MAP7D2: variants seen among roughly 807,000 people sequenced by gnomAD.
The protein encoded by MAP7D2 is MAP7 domain-containing protein 2.
In MAP7D2, 33 loss-of-function variants were observed where a neutral mutation model predicts 63.5. The ratio of observed to expected loss-of-function variants is 0.52; its 90% CI spans 0.39 to 0.70. The LOEUF (loss-of-function observed/expected upper bound fraction) is 0.70, where lower values mean the gene tolerates loss of function less well. MAP7D2 is among the 30% of genes least tolerant of loss of function. The probability of loss-of-function intolerance (pLI) is 0.00; values close to 1 mark genes in which losing one functional copy is unlikely to be tolerated. For missense variants in MAP7D2, 626 were observed against 604.0 expected, an observed-to-expected ratio of 1.04 and a Z score of -0.38; for synonymous variants, 224 against 223.7, an observed-to-expected ratio of 1.00 and a Z score of -0.01.
At chrX:20,072,944 T>C (rs945801942) in intron 1 of MAP7D2, among the ~76,000 whole-genome samples, 1 of 112,016 alleles carries the variant, frequency 8.9e-6, no homozygotes, top group African/African-American at 3.2e-5. Context: ...GGTGACAGTT[T>C]CACAACATTG....
chrX:20,039,989 C>T (rs1325415374), intron 8 of MAP7D2, among the ~76,000 whole-genome samples: 1 of 87,309 alleles, frequency 1.1e-5, no homozygotes, highest in Non-Finnish European at 2.2e-5. Flanking sequence ...CAGAGCAAGA[C>T]TCCATCTCAA....
At chrX:20,009,663 C>CAAA (rs35018861) in intron 16 of MAP7D2, among the ~76,000 whole-genome samples, 20 of 17,712 alleles carry the variant, frequency 1.1e-3, no homozygotes, top group East Asian at 2.5e-3. Flanking sequence ...GATTCCATCT[C>CAAA]AAAAAAAAAA....
chrX:20,046,812 G>A (rs1027108056), intron 6 of MAP7D2, among the ~76,000 whole-genome samples: 6 of 112,870 alleles, frequency 5.3e-5, no homozygotes, highest in Non-Finnish European at 7.5e-5. Context: ...GGTGAGAGTA[G>A]GGGATGATTA....
chrX:20,088,004 C>T (rs1337051413), intron 1 of MAP7D2, among the ~76,000 whole-genome samples: 2 of 106,052 alleles, frequency 1.9e-5, no homozygotes, highest in African/African-American at 6.9e-5. Context: ...ATTCTCCTGC[C>T]TCAGCCTCCT....
intron 4 of MAP7D2, among the ~76,000 whole-genome samples, chrX:20,056,424 C>T (rs2065070245): frequency 8.9e-6 from 1 of 111,877 alleles, no homozygotes; most frequent in Non-Finnish European, 1.9e-5. Flanking sequence ...AAAGTCTTCT[C>T]TTTTGCTCTC....
At chrX:20,063,388 T>A (rs2065270013) in intron 3 of MAP7D2, 26 bp downstream of exon 3, 1 of 1,201,219 alleles carries the variant, frequency 8.3e-7, no homozygotes, top group South Asian at 1.8e-5. Flanking sequence ...GGCTGGAAGG[T>A]GGCGGAGGGT....
At chrX:20,107,392 G>A (rs1053645314) in intron 1 of MAP7D2, among the ~76,000 whole-genome samples, 1 of 110,854 alleles carries the variant, frequency 9.0e-6, no homozygotes, top group African/African-American at 3.3e-5. Flanking sequence ...ACAACATGGT[G>A]AAACCCTGTC....
chrX:20,033,789 G>C (rs2074121738), intron 8 of MAP7D2, among the ~76,000 whole-genome samples: 1 of 112,293 alleles, frequency 8.9e-6, no homozygotes, highest in South Asian at 3.7e-4. Context: ...GGTCTGCACA[G>C]AAGGAATGTC....
chrX:20,105,900 A>G (rs950338842), intron 1 of MAP7D2, among the ~76,000 whole-genome samples: 1 of 112,218 alleles, frequency 8.9e-6, no homozygotes, highest in Non-Finnish European at 1.9e-5. Flanking sequence ...TGGGTAACTT[A>G]TAACAAACAA....
Position 20,089,755 on chromosome X carries a change from T to A in MAP7D2, c.131-24950A>T, listed in dbSNP as rs139925551. 7.9e-3 allele frequency among the ~76,000 whole-genome samples: 894 copies of A among 112,717 alleles called. 10 individuals carry two copies. Among genetic ancestry groups the A allele is most frequent in the African/African-American group, 0.027 (853 of 31,051 alleles). On this transcript the variant is annotated intron_variant, in intron 1 of 16. Transcript: ENST00000379643. The stretch of plus-strand genomic sequence containing the variant: ...TAGAAATACATATTTACAATGTACA[T>A]ATTTCTGTAGCTGAAATGGGTTTTT...
At chrX:20,087,159 A>C (rs921366687) in intron 1 of MAP7D2, among the ~76,000 whole-genome samples, 3 of 112,122 alleles carry the variant, frequency 2.7e-5, no homozygotes, top group Non-Finnish European at 5.6e-5. Flanking sequence ...TTTACAAAGG[A>C]AAATATATTT....
At chrX:20,029,864 G>T (rs2073994708) in intron 8 of MAP7D2, among the ~76,000 whole-genome samples, 1 of 109,647 alleles carries the variant, frequency 9.1e-6, no homozygotes, top group Non-Finnish European at 1.9e-5. Context: ...TCTACAATCT[G>T]TCAAGTTTCC....
At position 20,025,914 on chromosome X, in the gene MAP7D2, G is replaced by A. The variant is rs754095057; in HGVS notation, c.1046C>T (p.Thr349Met). ...TKAYPQSPKT[T>M]KPPYPGSPVK... ...AGGAGACCCTGGGTAGGGAGGTTTC[G>A]TTGTCTTTGGAGACTGTGGATAAGC... Residue 349 changes from threonine (T) to methionine (M), a missense_variant, in exon 9 of 17, where the codon ACG (threonine) becomes ATG (methionine). Coordinates refer to ENST00000379643, the MANE Select transcript of MAP7D2 (RefSeq NM_001168465.2). 21 of 1,209,612 alleles carry A rather than the reference G, an allele frequency of 1.7e-5. 1 individual carries two copies. In the Admixed American group the frequency reaches 2.0e-4, roughly 11 times the overall value.
chrX:20,039,753 C>A (rs1409384197), intron 8 of MAP7D2, among the ~76,000 whole-genome samples: 1 of 111,089 alleles, frequency 9.0e-6, no homozygotes, highest in Non-Finnish European at 1.9e-5. Context: ...GTAATCCCAG[C>A]ACTTTGGGAG....
At chrX:20,085,758 A>C (rs1164316004) in intron 1 of MAP7D2, among the ~76,000 whole-genome samples, 3 of 112,065 alleles carry the variant, frequency 2.7e-5, no homozygotes, top group Non-Finnish European at 3.8e-5. Flanking sequence ...GCTGCCCAGG[A>C]TGGAGTGCAG....
At chrX:20,108,727 A>T (rs1569156826) in intron 1 of MAP7D2, among the ~76,000 whole-genome samples, 1 of 110,235 alleles carries the variant, frequency 9.1e-6, no homozygotes, top group Non-Finnish European at 1.9e-5. Context: ...TTACAAAAAA[A>T]AAAAAACAAA....
rs1183318424 is a variant in MAP7D2, at chrX:20,010,789, G to T, written c.*14C>A. 8.3e-7 allele frequency: 1 copy of T among 1,198,375 alleles called. No homozygotes were observed. The highest frequency in any genetic ancestry group is 1.1e-6 in the Non-Finnish European group (1 of 887,894). ...CAAAAGACTGTACCTTTTATTAAAG[G>T]GATGCTGTATTTGTCAACAGAAGGT... On this transcript the variant is annotated 3_prime_UTR_variant, in exon 16 of 17. Coordinates refer to ENST00000379643, the MANE Select transcript of MAP7D2 (RefSeq NM_001168465.2).
intron 1 of MAP7D2, 140 bp downstream of exon 1, chrX:20,116,610 G>A: frequency 2.0e-6 from 2 of 996,226 alleles, no homozygotes; most frequent in Non-Finnish European, 2.5e-6. Flanking sequence ...ACGATCCTGG[G>A]CCAGGGAAAG....
chrX:20,088,749 T>C (rs2065989020), intron 1 of MAP7D2, among the ~76,000 whole-genome samples: 3 of 110,904 alleles, frequency 2.7e-5, no homozygotes, highest in Non-Finnish European at 5.7e-5. Context: ...GATTTATCAA[T>C]TTTTTTCTTT....
Sources: allele counts gnomAD v4.1 joint callset (sites outside exome capture counted in the v4.1 genomes callset), GRCh38; gene constraint gnomAD v4.1.1; transcripts MANE v1.5; gene names NCBI Gene and HGNC (gene_info 2026-07-23, HGNC 2026-07-21).